Variants in RTN1 observed in about 807,000 individuals in gnomAD.
RTN1 encodes reticulon 1, also known as reticulon-1.
A neutral mutation model predicts 65.5 loss-of-function variants in RTN1; 25 were observed. The ratio of observed to expected loss-of-function variants is 0.38; its 90% CI spans 0.28 to 0.53. RTN1 has a LOEUF of 0.53. Among genes scored for constraint, RTN1 ranks in the 20% least tolerant of loss-of-function variants. The pLI is 0.79. For synonymous variants in RTN1, 471 were observed against 447.6 expected, an observed-to-expected ratio of 1.05 and a Z score of -0.66; for missense variants, 983 against 1,025.4, an observed-to-expected ratio of 0.96 and a Z score of 0.57.
In RTN1 at chr14:59,727,235, C is replaced by T. The variant is rs755351783; in HGVS notation, c.1449G>A (p.Arg483=). Residue 483 remains arginine, a synonymous_variant, in exon 3 of 9, where the codon CGG becomes CGA. Coordinates refer to ENST00000267484, the MANE Select transcript of RTN1 (RefSeq NM_021136.3). The surrounding 1 kb of genome is among the most constrained non-coding windows in gnomAD (Gnocchi z 4.2). The part of the protein sequence containing the change: ...ASSASEESPK[R]EQDSPPMKPS... ...GCTTCATCGGGGGTGAGTCCTGCTC[C>T]CGCTTGGGGCTCTCCTCCGAGGCCG... 4 of 1,550,706 alleles carry T rather than the reference C, an allele frequency of 2.6e-6. No homozygotes were observed. The highest frequency in any genetic ancestry group is 2.4e-5 in the South Asian group (2 of 82,780).
At chr14:59,598,623 T>C (rs1178944545) in intron 8 of RTN1, among the ~76,000 whole-genome samples, 1 of 152,166 alleles carries the variant, frequency 6.6e-6, no homozygotes, top group Non-Finnish European at 1.5e-5. Context: ...TCTATTTGAA[T>C]ACTTGAATGA....
intron 2 of RTN1, among the ~76,000 whole-genome samples, chr14:59,741,925 A>G (rs2139502116): frequency 6.6e-6 from 1 of 151,144 alleles, no homozygotes; most frequent in South Asian, 2.1e-4. Flanking sequence ...ACCCTCTATC[A>G]CTCTTTCTAG....
intron 2 of RTN1, among the ~76,000 whole-genome samples, chr14:59,735,838 C>A (rs182684014): frequency 1.2e-4 from 19 of 152,010 alleles, no homozygotes; most frequent in Admixed American, 1.2e-3. Flanking sequence ...TAATAACAAA[C>A]AGTCTCTCAG....
intron 1 of RTN1, among the ~76,000 whole-genome samples, chr14:59,830,554 G>A (rs763776805): frequency 1.3e-5 from 2 of 152,180 alleles, no homozygotes; most frequent in African/African-American, 2.4e-5. Flanking sequence ...GTGTGACTCC[G>A]AGCAAACAGT....
chr14:59,824,347 A>C (rs1177288981), intron 1 of RTN1, among the ~76,000 whole-genome samples: 1 of 152,228 alleles, frequency 6.6e-6, no homozygotes, highest in African/African-American at 2.4e-5. Context: ...GCTTTATAAA[A>C]TAAATATTTG....
At chr14:59,664,427 T>C (rs1162294797) in intron 3 of RTN1, among the ~76,000 whole-genome samples, 1 of 152,120 alleles carries the variant, frequency 6.6e-6, no homozygotes, top group African/African-American at 2.4e-5. Flanking sequence ...GTAACAAACT[T>C]GCATGTTCTG....
In RTN1 at chr14:59,854,879, G is replaced by A. The variant is rs78578687; in HGVS notation, c.241+15511C>T. Among the ~76,000 whole-genome samples, 536 of 152,214 alleles carry A rather than the reference G, an allele frequency of 3.5e-3. 20 individuals are homozygous for A. In the East Asian group the frequency reaches 0.061, roughly 17 times the overall value. On this transcript the variant is annotated intron_variant, in intron 1 of 8. Transcript: ENST00000267484. The stretch of plus-strand genomic sequence containing the variant: ...CCTACTTTATTGAGATTAAGGATAG[G>A]ATTAAATGTAAACAGCCCAGAACAC...
chr14:59,722,720 T>TAA (rs199649677), intron 3 of RTN1, among the ~76,000 whole-genome samples: 63 of 135,890 alleles, frequency 4.6e-4, no homozygotes, highest in Admixed American at 3.1e-3. Flanking sequence ...AGAACAACAA[T>TAA]AAAAAAAAAA....
chr14:59,838,581 T>C (rs1887254877), intron 1 of RTN1, among the ~76,000 whole-genome samples: 1 of 151,970 alleles, frequency 6.6e-6, no homozygotes, highest in African/African-American at 2.4e-5. Context: ...ATGTTGAAAA[T>C]ACCCAGAAAA....
intron 3 of RTN1, among the ~76,000 whole-genome samples, chr14:59,690,642 G>A (rs727690): frequency 0.62 from 93,755 of 151,868 alleles, 29,180 homozygotes; most frequent in South Asian, 0.71. Flanking sequence ...GATATATATC[G>A]TTCTCAGCTG....
intron 3 of RTN1, among the ~76,000 whole-genome samples, chr14:59,610,597 C>T (rs1881917278): frequency 6.6e-6 from 1 of 152,194 alleles, no homozygotes; most frequent in Non-Finnish European, 1.5e-5. Flanking sequence ...TTCTAACCTC[C>T]AAGCTGTCCT....
rs559011528 is a variant in RTN1 at position 59,696,933 on chromosome 14, A to G, written c.1765+29986T>C. Among the ~76,000 whole-genome samples, 7 of 152,284 alleles carry G rather than the reference A, an allele frequency of 4.6e-5. No individual in the cohort carries two copies. The South Asian group carries it at 1.4e-3, about 32-fold the overall frequency. On this transcript the variant is annotated intron_variant, in intron 3 of 8. Transcript: ENST00000267484. The stretch of plus-strand genomic sequence containing the variant: ...TCACAAGATCTAGAAAATATTTTAA[A>G]TGTAGTCAGCCATTCTGAAATAATG...
chr14:59,745,935 T>C lies in RTN1; in HGVS notation c.788A>G (p.Tyr263Cys), dbSNP rs1440998437. 6.2e-7 allele frequency: 1 copy of C among 1,614,154 alleles called. No individual in the cohort carries two copies. Among genetic ancestry groups the C allele is most frequent in the East Asian group, 2.2e-5 (1 of 44,890 alleles). ...CTGTTCTTCAGAGAGATCATCTATG[T>C]ATGGAGCAAATGTGGATTCTTCCAA... is the stretch of plus-strand genomic sequence containing the variant. Reference protein sequence around the residue: ...HLLEESTFAPYIDDLSEEQRR... With the variant: ...HLLEESTFAPCIDDLSEEQRR... Residue 263 changes from tyrosine to cysteine, a missense_variant, in exon 2 of 9, where the codon TAC becomes TGC. This residue lies in a region of RTN1 where 818 missense variants were observed against 801.8 expected (regional missense o/e 1.02). Coordinates refer to ENST00000267484, the MANE Select transcript of RTN1 (RefSeq NM_021136.3).
chr14:59,752,803 C>T (rs1210349545), intron 1 of RTN1, among the ~76,000 whole-genome samples: 2 of 152,142 alleles, frequency 1.3e-5, no homozygotes, highest in Non-Finnish European at 2.9e-5. Flanking sequence ...CAAGCTATGA[C>T]TAATTAATGC....
At chr14:59,603,694 T>C in intron 6 of RTN1, 158 bp downstream of exon 6, 1 of 475,250 alleles carries the variant, frequency 2.1e-6, no homozygotes, top group Non-Finnish European at 3.8e-6. Context: ...TTATACTCTT[T>C]AATTGAACTA....
At chr14:59,679,714 A>C (rs1883705040) in intron 3 of RTN1, among the ~76,000 whole-genome samples, 1 of 152,206 alleles carries the variant, frequency 6.6e-6, no homozygotes, top group Non-Finnish European at 1.5e-5. Flanking sequence ...TTCTGGATTT[A>C]AGTTATTCAC....
intron 3 of RTN1, among the ~76,000 whole-genome samples, chr14:59,711,503 T>C (rs1028274240): frequency 1.3e-5 from 2 of 152,232 alleles, no homozygotes; most frequent in African/African-American, 4.8e-5. Flanking sequence ...CATTTAAATG[T>C]GCTTTTGAAA....
At chr14:59,681,277 T>A (rs1461801482) in intron 3 of RTN1, among the ~76,000 whole-genome samples, 1 of 152,182 alleles carries the variant, frequency 6.6e-6, no homozygotes, top group Non-Finnish European at 1.5e-5. Flanking sequence ...ATATATTTCC[T>A]CTAACAAAAA....
chr14:59,806,958 C>T (rs879771538), intron 1 of RTN1, among the ~76,000 whole-genome samples: 6 of 152,180 alleles, frequency 3.9e-5, no homozygotes, highest in Non-Finnish European at 7.3e-5. Flanking sequence ...GATTTGGCTG[C>T]GCCCTCAAAA....
Sources: gnomAD v4.1 joint callset for allele counts (sites outside exome capture counted in the v4.1 genomes callset) on GRCh38, gnomAD v4.1.1 for gene constraint, gnomAD v4.1.1 regional missense constraint, Gnocchi (gnomAD v3.1) non-coding constraint, MANE v1.5 for transcripts, NCBI Gene and HGNC (gene_info 2026-07-23, HGNC 2026-07-21) for gene names.